PTPRT: variants seen among roughly 807,000 people sequenced by gnomAD.
PTPRT encodes the protein protein tyrosine phosphatase receptor type T.
A neutral mutation model predicts 176.8 loss-of-function variants in PTPRT; 56 were observed. That is an observed-to-expected ratio of 0.32 (90% CI 0.26 to 0.40). The LOEUF is 0.40. PTPRT is among the 10% of genes least tolerant of loss of function. The pLI is 1.00. For synonymous variants in PTPRT, 783 were observed against 739.0 expected, an observed-to-expected ratio of 1.06 and a Z score of -0.96; for missense variants, 1,540 against 1,908.2, an observed-to-expected ratio of 0.81 and a Z score of 3.60.
chr20:42,616,285 C>T (rs1433460692), intron 7 of PTPRT, among the ~76,000 whole-genome samples: 1 of 122,590 alleles, frequency 8.2e-6, no homozygotes, highest in Admixed American at 7.6e-5. Flanking sequence ...CTGTTCTGTT[C>T]CATTGATCTA....
chr20:42,584,849 C>A (rs967862850), intron 7 of PTPRT, among the ~76,000 whole-genome samples: 1 of 151,890 alleles, frequency 6.6e-6, no homozygotes, highest in South Asian at 2.1e-4. Context: ...GGATAGAAAT[C>A]TCTCTATTCA....
chr20:42,996,898 A>T (rs1984252458), intron 1 of PTPRT, among the ~76,000 whole-genome samples: 1 of 152,202 alleles, frequency 6.6e-6, no homozygotes, highest in Admixed American at 6.5e-5. Flanking sequence ...TAAACAAGTC[A>T]ATAGATTTAA....
chr20:42,270,998 G>A (rs1014597304), intron 13 of PTPRT, among the ~76,000 whole-genome samples: 2 of 152,122 alleles, frequency 1.3e-5, no homozygotes, highest in Non-Finnish European at 2.9e-5. Flanking sequence ...GTTTCACATG[G>A]ATTATTTAAG....
chr20:42,288,696 T>C (rs2057271648), intron 12 of PTPRT, among the ~76,000 whole-genome samples: 1 of 152,020 alleles, frequency 6.6e-6, no homozygotes, highest in African/African-American at 2.4e-5. Context: ...GGACATGGTT[T>C]TATTCTTTTT....
chr20:42,329,502 CAT>C (rs762723214), intron 11 of PTPRT, among the ~76,000 whole-genome samples: 20,963 of 124,638 alleles, frequency 0.17, 1,674 homozygotes, highest in Non-Finnish European at 0.21. Context: ...CACACACACA[CAT>C]ACACACACAC....
At position 42,307,628 on chromosome 20, in the gene PTPRT, G is replaced by A. The variant is rs984927904; in HGVS notation, c.2139+8095C>T. On this transcript the variant is annotated intron_variant, in intron 12 of 30. Transcript: ENST00000373187. Reference sequence around the variant, plus strand: ...GAACTAACACGAGAAATAAGAAATGGGGTAGAAAGGGCAATATCATAACCA... The same window carrying A: ...GAACTAACACGAGAAATAAGAAATGAGGTAGAAAGGGCAATATCATAACCA... 4.9e-4 allele frequency among the ~76,000 whole-genome samples: 75 copies of A among 152,060 alleles called. 2 individuals are homozygous for A. The highest frequency in any genetic ancestry group is 2.8e-4 in the Non-Finnish European group (19 of 68,016).
At chr20:42,742,504 T>C (rs2076626336) in intron 6 of PTPRT, among the ~76,000 whole-genome samples, 1 of 152,192 alleles carries the variant, frequency 6.6e-6, no homozygotes, top group East Asian at 1.9e-4. Context: ...CTGGAGCTGC[T>C]GCCTGACTTA....
chr20:42,794,190 A>C (rs760809699), intron 2 of PTPRT, among the ~76,000 whole-genome samples: 3 of 152,114 alleles, frequency 2.0e-5, no homozygotes, highest in African/African-American at 7.2e-5. Context: ...CAGCTAGACT[A>C]TGTCTTCCAG....
At chr20:42,489,029 TGTGTG>T (rs1222641449) in intron 7 of PTPRT, among the ~76,000 whole-genome samples, 3 of 135,890 alleles carry the variant, frequency 2.2e-5, no homozygotes, top group African/African-American at 7.3e-5. Flanking sequence ...TGTGTGTGTG[TGTGTG>T]TGTGTGTGTG....
At chr20:42,897,660 G>C (rs899982635) in intron 1 of PTPRT, among the ~76,000 whole-genome samples, 1 of 152,182 alleles carries the variant, frequency 6.6e-6, no homozygotes, top group African/African-American at 2.4e-5. Flanking sequence ...TCTTTGCCCA[G>C]GGAGACACAG....
chr20:42,771,734 G>A (rs891112066), intron 4 of PTPRT, among the ~76,000 whole-genome samples, 184 bp from the exon 5 acceptor site: 3 of 152,132 alleles, frequency 2.0e-5, no homozygotes, highest in South Asian at 2.1e-4. Context: ...AACTTTACAC[G>A]CAGAATCTCA....
chr20:42,603,100 T>A (rs1356500670), intron 7 of PTPRT, among the ~76,000 whole-genome samples: 2 of 152,110 alleles, frequency 1.3e-5, no homozygotes, highest in Non-Finnish European at 2.9e-5. Flanking sequence ...CCTGGGAAGG[T>A]TCCTGTTCTC....
At chr20:42,725,011 G>T (rs1600665662) in intron 6 of PTPRT, among the ~76,000 whole-genome samples, 1 of 73,122 alleles carries the variant, frequency 1.4e-5, no homozygotes, top group Non-Finnish European at 2.9e-5. Context: ...GACATCTTTT[G>T]TGTGTGTGTG....
At chr20:42,081,551 T>C (rs904105118) in intron 30 of PTPRT, among the ~76,000 whole-genome samples, 31 of 152,206 alleles carry the variant, frequency 2.0e-4, no homozygotes, top group African/African-American at 7.2e-4. Context: ...TGGAATATAA[T>C]TGGACTGAAT....
At chr20:42,034,027 C>T in the PTPRT span, among the ~76,000 whole-genome samples, 24 of 152,244 alleles carry the variant, frequency 1.6e-4, no homozygotes, top group African/African-American at 4.3e-4. Context: ...TTTTCTGTTG[C>T]GCATACTGAC....
At chr20:42,794,542 C>T (rs779046447) in intron 2 of PTPRT, among the ~76,000 whole-genome samples, 1 of 152,298 alleles carries the variant, frequency 6.6e-6, no homozygotes, top group East Asian at 1.9e-4. Flanking sequence ...TCCCAGAGCT[C>T]AAGAGCCTAG....
rs78570899 is a variant in PTPRT, at chr20:42,597,059, A to G, written c.1153+80807T>C. Among the ~76,000 whole-genome samples, 1,224 of 152,324 alleles carry G rather than the reference A, an allele frequency of 8.0e-3. 11 individuals are homozygous for G. Among genetic ancestry groups the G allele is most frequent in the Non-Finnish European group, 0.015 (1,000 of 68,032 alleles). Reference sequence around the variant, plus strand: ...GGGTTCTCCGCTCAAGGTCCCACAAAGCTGCAATGGAGGTGTCAGCCAGGG... The same window carrying G: ...GGGTTCTCCGCTCAAGGTCCCACAAGGCTGCAATGGAGGTGTCAGCCAGGG... On this transcript the variant is annotated intron_variant, in intron 7 of 30. Coordinates refer to ENST00000373187, the MANE Select transcript of PTPRT (RefSeq NM_007050.6).
At chr20:42,263,333 C>T (rs1424106609) in intron 13 of PTPRT, among the ~76,000 whole-genome samples, 1 of 150,164 alleles carries the variant, frequency 6.7e-6, no homozygotes, top group Non-Finnish European at 1.5e-5. Flanking sequence ...GATCTTCCCA[C>T]CTCAGTTAGG....
chr20:42,693,083 A>G (rs1291397315), intron 6 of PTPRT, among the ~76,000 whole-genome samples: 3 of 152,230 alleles, frequency 2.0e-5, no homozygotes, highest in Non-Finnish European at 4.4e-5. Context: ...AACAAATTGA[A>G]TAATTACTTA....
Sources: allele counts gnomAD v4.1 joint callset (sites outside exome capture counted in the v4.1 genomes callset), GRCh38; gene constraint gnomAD v4.1.1; transcripts MANE v1.5; gene names NCBI Gene and HGNC (gene_info 2026-07-23, HGNC 2026-07-21).